The following DLGAP1 variants were observed in gnomAD, a reference collection of about 807,000 sequenced individuals.
DLGAP1 encodes disks large-associated protein 1.
DLGAP1 carries 11 observed loss-of-function variants against 90.8 expected under a neutral mutation model. The observed-to-expected ratio is 0.12, with a 90% CI of 0.08 to 0.20. The LOEUF (loss-of-function observed/expected upper bound fraction) is 0.20. Ranked by LOEUF, DLGAP1 falls within the 10% of genes least tolerant of loss-of-function variation. The pLI is 1.00. For missense variants in DLGAP1, 1,050 were observed against 1,333.8 expected, an observed-to-expected ratio of 0.79 and a Z score of 3.31; for synonymous variants, 558 against 540.7, an observed-to-expected ratio of 1.03 and a Z score of -0.44.
intron 1 of DLGAP1, among the ~76,000 whole-genome samples, chr18:4,206,978 C>G (rs769866880): frequency 1.3e-5 from 2 of 152,096 alleles, no homozygotes; most frequent in Non-Finnish European, 2.9e-5. Flanking sequence ...ATTGAAGTTA[C>G]AGAAGAGAAA....
At chr18:4,200,131 TA>T (rs1481087969) in intron 1 of DLGAP1, among the ~76,000 whole-genome samples, 1 of 152,176 alleles carries the variant, frequency 6.6e-6, no homozygotes, top group Non-Finnish European at 1.5e-5. Flanking sequence ...TCAGTATTCG[TA>T]TGTTTGTATA....
intron 4 of DLGAP1, among the ~76,000 whole-genome samples, chr18:3,827,541 A>G (rs1278129428): frequency 6.6e-6 from 1 of 152,174 alleles, no homozygotes; most frequent in Non-Finnish European, 1.5e-5. Context: ...GAATAGCTTT[A>G]TCTTCCCAGC....
intron 3 of DLGAP1, among the ~76,000 whole-genome samples, chr18:3,985,889 G>T (rs1174444385): frequency 6.6e-6 from 1 of 152,108 alleles, no homozygotes; most frequent in Non-Finnish European, 1.5e-5. Flanking sequence ...CCAAGAGCCA[G>T]AAAAGTGATG....
chr18:4,277,929 C>T (rs1031730934), intron 1 of DLGAP1, among the ~76,000 whole-genome samples: 1 of 152,136 alleles, frequency 6.6e-6, no homozygotes, highest in Non-Finnish European at 1.5e-5. Context: ...CCTTGTTATC[C>T]TAAAAACCTA....
At chr18:3,548,752 C>G (rs958206460) in intron 9 of DLGAP1, among the ~76,000 whole-genome samples, 12 of 152,070 alleles carry the variant, frequency 7.9e-5, no homozygotes, top group African/African-American at 2.2e-4. Context: ...CAACATTGCA[C>G]TAGGCCAGGT....
chr18:3,579,331 C>G (rs1173612311), intron 8 of DLGAP1, among the ~76,000 whole-genome samples: 1 of 152,248 alleles, frequency 6.6e-6, no homozygotes, highest in Non-Finnish European at 1.5e-5. Context: ...CTGCCTCAGT[C>G]TCCCAAGTAG....
At chr18:3,715,651 T>C (rs908652544) in intron 7 of DLGAP1, among the ~76,000 whole-genome samples, 1 of 152,230 alleles carries the variant, frequency 6.6e-6, no homozygotes, top group African/African-American at 2.4e-5. Flanking sequence ...CACTATTATA[T>C]TAGGTCGTGG....
At chr18:3,852,497 T>C (rs776743315) in intron 4 of DLGAP1, among the ~76,000 whole-genome samples, 1 of 152,212 alleles carries the variant, frequency 6.6e-6, no homozygotes, top group South Asian at 2.1e-4. Context: ...TGGGTAACAC[T>C]GTTTCCTCAT....
chr18:3,590,150 T>C (rs570405370), intron 7 of DLGAP1, among the ~76,000 whole-genome samples: 168 of 152,288 alleles, frequency 1.1e-3, no homozygotes, highest in African/African-American at 3.6e-3. Flanking sequence ...CCTCAGGTGA[T>C]CCAGCTCCCT....
intron 3 of DLGAP1, among the ~76,000 whole-genome samples, chr18:3,913,610 T>A (rs1208855515): frequency 6.6e-6 from 1 of 152,214 alleles, no homozygotes; most frequent in Non-Finnish European, 1.5e-5. Flanking sequence ...AAATATAGAT[T>A]CTTTTGGACT....
At chr18:3,951,190 C>T (rs897128471) in intron 3 of DLGAP1, among the ~76,000 whole-genome samples, 2 of 152,168 alleles carry the variant, frequency 1.3e-5, no homozygotes, top group African/African-American at 4.8e-5. Flanking sequence ...ACATTCTAAC[C>T]AGAACAAAAT....
intron 7 of DLGAP1, among the ~76,000 whole-genome samples, chr18:3,693,123 G>A (rs1156503161): frequency 6.6e-6 from 1 of 152,182 alleles, no homozygotes; most frequent in Non-Finnish European, 1.5e-5. Context: ...AGTCTATGTC[G>A]CTCAGGCTGG....
chr18:3,588,779 C>CA (rs11449545), intron 7 of DLGAP1, among the ~76,000 whole-genome samples: 41,044 of 134,868 alleles, frequency 0.3, 6,346 homozygotes, highest in East Asian at 0.46. Context: ...GACTCCATCT[C>CA]AAAAAAAAAA....
chr18:3,662,624 G>C (rs1192280520), intron 7 of DLGAP1, among the ~76,000 whole-genome samples: 1 of 152,208 alleles, frequency 6.6e-6, no homozygotes, highest in Non-Finnish European at 1.5e-5. Context: ...TCAGCTGAAA[G>C]TGCTATTTCT....
At chr18:3,582,400 T>C (rs1599360437) in intron 7 of DLGAP1, 152 bp from the exon 8 acceptor site, 3 of 1,258,828 alleles carry the variant, frequency 2.4e-6, no homozygotes, top group Non-Finnish European at 2.1e-6. Flanking sequence ...AGACCCCTGC[T>C]CTCCGGAGGT....
chr18:4,387,984 C>T (rs1283739913), intron 1 of DLGAP1, among the ~76,000 whole-genome samples: 1 of 149,990 alleles, frequency 6.7e-6, no homozygotes, highest in Non-Finnish European at 1.5e-5. Context: ...CTCAAAAGGC[C>T]CAGGTAATGA....
At chr18:3,673,999 C>T (rs1904739109) in intron 7 of DLGAP1, among the ~76,000 whole-genome samples, 2 of 151,728 alleles carry the variant, frequency 1.3e-5, no homozygotes, top group African/African-American at 4.8e-5. Flanking sequence ...CCCACCACCA[C>T]ACCCAGCTAA....
At position 3,848,822 on chromosome 18, in the gene DLGAP1, C is replaced by T. The variant is rs950343640; in HGVS notation, c.957+30290G>A. 6.6e-5 allele frequency among the ~76,000 whole-genome samples: 10 copies of T among 152,336 alleles called. No individual in the cohort carries two copies. In the East Asian group the frequency reaches 1.5e-3, roughly 24 times the overall value. On this transcript the variant is annotated intron_variant, in intron 4 of 12. Coordinates refer to ENST00000315677, the MANE Select transcript of DLGAP1 (RefSeq NM_004746.4). ...CCTGGATATTACATTTGTCTTCTAA[C>T]CGATTCTCCTCTTCCACTGTCCTTC... is the stretch of plus-strand genomic sequence containing the variant.
At chr18:3,796,626 G>T (rs1218654152) in intron 5 of DLGAP1, among the ~76,000 whole-genome samples, 3 of 152,160 alleles carry the variant, frequency 2.0e-5, no homozygotes, top group African/African-American at 7.2e-5. Context: ...CTCGATCCAC[G>T]AATATGCTCT....
Sources: gnomAD v4.1 joint callset for allele counts (sites outside exome capture counted in the v4.1 genomes callset) on GRCh38, gnomAD v4.1.1 for gene constraint, MANE v1.5 for transcripts, NCBI Gene and HGNC (gene_info 2026-07-23, HGNC 2026-07-21) for gene names.